Variants in CUL2 observed in about 807,000 individuals in gnomAD.
The protein encoded by CUL2 is cullin-2.
In CUL2, 22 loss-of-function variants were observed where a neutral mutation model predicts 110.2. That is an observed-to-expected ratio of 0.20 (90% CI 0.14 to 0.28). CUL2 has a LOEUF of 0.28. CUL2 is among the 10% of genes least tolerant of loss of function. The probability of loss-of-function intolerance (pLI) is 1.00; values close to 1 mark genes in which losing one functional copy is unlikely to be tolerated. For synonymous variants in CUL2, 279 were observed against 293.2 expected, an observed-to-expected ratio of 0.95 and a Z score of 0.49; for missense variants, 631 against 905.5, an observed-to-expected ratio of 0.70 and a Z score of 3.89.
chr10:35,031,664 A>G lies in CUL2; in HGVS notation c.1171-45T>C, dbSNP rs1248513308. On this transcript the variant is annotated intron_variant, in intron 12 of 20. Transcript: ENST00000374749. This position sits in a 1 kb window ranked among gnomAD's most constrained non-coding sequence, Gnocchi z 4.4. ...TAAATCTTACAAAGGGTGCTTCTGT[A>G]TATATCACGCCTCAAAGGAGGCAAA... is the stretch of plus-strand genomic sequence containing the variant. 1 of 1,605,470 alleles carries G rather than the reference A, an allele frequency of 6.2e-7. No individual in the cohort carries two copies. The highest frequency in any genetic ancestry group is 8.5e-7 in the Non-Finnish European group (1 of 1,175,370).
intron 11 of CUL2, among the ~76,000 whole-genome samples, 159 bp downstream of exon 11, chr10:35,033,007 A>G (rs767504387): frequency 2.0e-5 from 3 of 152,152 alleles, no homozygotes; most frequent in Non-Finnish European, 2.9e-5. Context: ...TCAGTTAATA[A>G]TTTAAAAATT....
At chr10:35,064,647 T>C (rs2086470640) in intron 2 of CUL2, among the ~76,000 whole-genome samples, 1 of 152,212 alleles carries the variant, frequency 6.6e-6, no homozygotes, top group South Asian at 2.1e-4. Flanking sequence ...ATTTACTTAC[T>C]TATAAATTTT....
At chr10:35,113,563 T>A (rs1365723747) in intron 1 of CUL2, among the ~76,000 whole-genome samples, 1 of 134,612 alleles carries the variant, frequency 7.4e-6, no homozygotes, top group Non-Finnish European at 1.6e-5. Flanking sequence ...CAATGTGAAA[T>A]TCACAACATC....
intron 1 of CUL2, among the ~76,000 whole-genome samples, chr10:35,112,992 G>A (rs2087539865): frequency 1.3e-5 from 2 of 151,756 alleles, no homozygotes; most frequent in African/African-American, 2.4e-5. Flanking sequence ...AGGAGATGGA[G>A]ACCATCCTGG....
At chr10:35,025,871 CTAAAAAA>C (rs2085325271) in intron 16 of CUL2, among the ~76,000 whole-genome samples, 2 of 152,134 alleles carry the variant, frequency 1.3e-5, no homozygotes, top group South Asian at 4.1e-4. Flanking sequence ...CTTTATAAAA[CTAAAAAA>C]TAAACTGCAT....
chr10:35,120,732 C>T (rs774711251), intron 1 of CUL2, among the ~76,000 whole-genome samples: 6 of 152,052 alleles, frequency 3.9e-5, no homozygotes, highest in East Asian at 1.9e-4. Flanking sequence ...ACCCCCTCTA[C>T]GAAAAATACA....
intron 1 of CUL2, among the ~76,000 whole-genome samples, chr10:35,103,607 G>A (rs1373501479): frequency 6.6e-6 from 1 of 152,062 alleles, no homozygotes; most frequent in African/African-American, 2.4e-5. Context: ...ACAGGCGTGA[G>A]CCACCGCGCC....
chr10:35,062,136 A>T (rs1490277349), intron 3 of CUL2, among the ~76,000 whole-genome samples: 1 of 152,168 alleles, frequency 6.6e-6, no homozygotes, highest in East Asian at 1.9e-4. Context: ...TCAGTAGTCT[A>T]AATTAAGTTG....
intron 9 of CUL2, among the ~76,000 whole-genome samples, chr10:35,036,964 A>C (rs2085638087): frequency 6.6e-6 from 1 of 152,142 alleles, no homozygotes; most frequent in Admixed American, 6.5e-5. Context: ...TGTACTCCTG[A>C]GCTCAAGCAA....
rs569577555 is a variant in CUL2 at position 35,043,979 on chromosome 10, G to C, written c.714+587C>G. On this transcript the variant is annotated intron_variant, in intron 8 of 20. Transcript: ENST00000374749. ...GCTACTTCGTAGGCTGAGACAGGAG[G>C]ACCACTTGAGCCTGGGAGCCATGAT... 6.2e-5 allele frequency among the ~76,000 whole-genome samples: 9 copies of C among 144,240 alleles called. No homozygotes were observed. In the East Asian group the frequency reaches 1.2e-3, roughly 20 times the overall value. The allele number at this position is 144,240 out of a possible 152,430, so 94.6% of individuals were successfully genotyped here.
In CUL2 at chr10:35,031,920, CTAAAT is replaced by C. The variant is rs1256099290; in HGVS notation, c.1171-306_1171-302del. Among the ~76,000 whole-genome samples, 1 of 152,018 alleles carries C rather than the reference CTAAAT, an allele frequency of 6.6e-6. No individual in the cohort carries two copies. The highest frequency in any genetic ancestry group is 6.6e-5 in the Admixed American group (1 of 15,250). On this transcript the variant is annotated intron_variant, in intron 12 of 20. Transcript: ENST00000374749. The surrounding 1 kb of genome is among the most constrained non-coding windows in gnomAD (Gnocchi z 4.4). ...TTTATGTAATAATCATAAATGTAAA[CTAAAT>C]AAAATATACATCATAAGGTAAATTT...
chr10:35,103,061 C>A (rs2087405122), intron 1 of CUL2, among the ~76,000 whole-genome samples: 1 of 152,134 alleles, frequency 6.6e-6, no homozygotes, highest in Non-Finnish European at 1.5e-5. Flanking sequence ...TGTGTCCAAT[C>A]TGTTAGATAT....
At chr10:35,038,868 T>C (rs1381182648) in intron 9 of CUL2, 52 bp downstream of exon 9, 2 of 1,259,984 alleles carry the variant, frequency 1.6e-6, no homozygotes, top group Admixed American at 2.4e-5. Context: ...TAGAGGATGA[T>C]ATAAAAGGTG....
At chr10:35,029,964 T>G (rs1043809373) in intron 14 of CUL2, among the ~76,000 whole-genome samples, 1 of 152,212 alleles carries the variant, frequency 6.6e-6, no homozygotes, top group African/African-American at 2.4e-5. Context: ...ATAAGATACC[T>G]TAAAAGGATT....
intron 1 of CUL2, chr10:35,119,860 G>A (rs181449770): frequency 3.0e-4 from 46 of 152,320 alleles, no homozygotes; most frequent in African/African-American, 1.0e-3. Context: ...TATAGGCACA[G>A]GCCACCTTGC....
upstream of CUL2, among the ~76,000 whole-genome samples, chr10:35,094,164 T>C (rs2087257608): frequency 2.6e-5 from 4 of 152,150 alleles, 1 homozygote; most frequent in South Asian, 8.3e-4. Context: ...AGGTATTTCA[T>C]TATAACAATA....
Position 35,032,289 on chromosome 10 carries a change from A to T in CUL2, c.1170+146T>A, listed in dbSNP as rs889650201. 5 of 662,184 alleles carry T rather than the reference A, an allele frequency of 7.6e-6. No homozygotes were observed. The Admixed American group carries it at 1.8e-4, about 23-fold the overall frequency. 41.0% of individuals were successfully genotyped at this position (662,184 alleles called of 1,614,324 possible). The stretch of plus-strand genomic sequence containing the variant: ...ACATAGTATATTGCATTCCTTACAT[A>T]AATGCCAAACTATATACAATGTAGA... On this transcript the variant is annotated intron_variant, in intron 12 of 20. Coordinates refer to ENST00000374749, the MANE Select transcript of CUL2 (RefSeq NM_003591.4).
rs2084846827 is a variant in CUL2, at chr10:35,009,478, A to C, written c.*833T>G. On this transcript the variant is annotated 3_prime_UTR_variant, in exon 21 of 21. Coordinates refer to ENST00000374749, the MANE Select transcript of CUL2 (RefSeq NM_003591.4). The stretch of plus-strand genomic sequence containing the variant: ...AGGGTACTAGTCTATGCTAGAATTA[A>C]TGGATTATGCAACCGAAGAAAGACA... 1 of 151,884 alleles carries C rather than the reference A, an allele frequency of 6.6e-6. No homozygotes were observed. The highest frequency in any genetic ancestry group is 2.4e-5 in the African/African-American group (1 of 41,230). The allele number at this position is 151,884 out of a possible 1,614,324, so 9.4% of individuals were successfully genotyped here. A position where few individuals can be genotyped will look rare whatever the true frequency, so the allele number is the denominator to read the frequency against.
intron 2 of CUL2, among the ~76,000 whole-genome samples, chr10:35,068,386 T>C (rs1036369434): frequency 6.6e-6 from 1 of 151,760 alleles, no homozygotes; most frequent in Non-Finnish European, 1.5e-5. Flanking sequence ...CACTGCACTA[T>C]GCCTAACAAA....
Sources: gnomAD v4.1 joint callset for allele counts (sites outside exome capture counted in the v4.1 genomes callset) on GRCh38, gnomAD v4.1.1 for gene constraint, Gnocchi (gnomAD v3.1) non-coding constraint, MANE v1.5 for transcripts, NCBI Gene and HGNC (gene_info 2026-07-23, HGNC 2026-07-21) for gene names.